The following MTA3 variants were observed in gnomAD, a reference collection of about 807,000 sequenced individuals.
The protein encoded by MTA3 is metastasis associated 1 family member 3, also known as metastasis-associated protein MTA3.
A neutral mutation model predicts 83.5 loss-of-function variants in MTA3; 34 were observed. That is an observed-to-expected ratio of 0.41 (90% CI 0.31 to 0.54). MTA3 has a LOEUF of 0.54. Ranked by LOEUF, MTA3 falls within the 20% of genes least tolerant of loss-of-function variation. The probability of loss-of-function intolerance (pLI) is 0.33; values close to 1 mark genes in which losing one functional copy is unlikely to be tolerated. For missense variants in MTA3, 761 were observed against 726.4 expected, an observed-to-expected ratio of 1.05 and a Z score of -0.55; for synonymous variants, 303 against 252.7, an observed-to-expected ratio of 1.20 and a Z score of -1.89.
chr2:42,617,784 T>TAA lies in MTA3; in HGVS notation c.317+8210_317+8211dup, dbSNP rs36088935. Among the ~76,000 whole-genome samples the TAA allele has an allele frequency of 5.1e-4, 75 of 146,228 alleles. No individual in the cohort carries two copies. The South Asian group carries it at 7.5e-3, about 15-fold the overall frequency. On this transcript the variant is annotated intron_variant, in intron 4 of 16. Transcript: ENST00000405094. ...ACAGTGCAACTCTGCCTCTAAAAAA[T>TAA]AAAAAAAAAAATGCGTAAAATAAAA...
chr2:42,536,039 G>C (rs1676213414), intron 2 of MTA3, among the ~76,000 whole-genome samples: 1 of 151,940 alleles, frequency 6.6e-6, no homozygotes, highest in African/African-American at 2.4e-5. Flanking sequence ...AAGATTGCTT[G>C]AGTCTGGGAG....
At chr2:42,526,097 G>C (rs993662537) in intron 2 of MTA3, among the ~76,000 whole-genome samples, 3 of 152,110 alleles carry the variant, frequency 2.0e-5, no homozygotes, top group African/African-American at 7.2e-5. Flanking sequence ...CCTTGACCTA[G>C]AAATAATTGC....
At position 42,557,315 on chromosome 2, in the gene MTA3, A is replaced by G. The variant is rs927995386; in HGVS notation, c.-140-13122A>G. Among the ~76,000 whole-genome samples, 53 of 151,934 alleles carry G rather than the reference A, an allele frequency of 3.5e-4. 1 individual carries two copies. Among genetic ancestry groups the G allele is most frequent in the Non-Finnish European group, 4.6e-4 (31 of 67,958 alleles). ...ATAAAAATTTAAAAATTAAGAAAAA[A>G]AAAACACAGTCCAGATTTTTCTTCA... On this transcript the variant is annotated intron_variant, in intron 2 of 17. Coordinates refer to the MTA3 transcript ENST00000405592.
At chr2:42,681,039 C>T (rs746496507) in intron 8 of MTA3, among the ~76,000 whole-genome samples, 1 of 152,172 alleles carries the variant, frequency 6.6e-6, no homozygotes, top group Non-Finnish European at 1.5e-5. Context: ...TGTGTCTGGC[C>T]AGAAAATGCT....
chr2:42,636,026 T>C (rs1353743719), intron 4 of MTA3, among the ~76,000 whole-genome samples: 1 of 152,136 alleles, frequency 6.6e-6, no homozygotes, highest in African/African-American at 2.4e-5. Context: ...GCCTCAGCCT[T>C]ATAGAATGCT....
chr2:42,613,232 A>G (rs1296947473), intron 4 of MTA3, among the ~76,000 whole-genome samples: 2 of 152,250 alleles, frequency 1.3e-5, no homozygotes, highest in African/African-American at 2.4e-5. Context: ...TAAGTGCTTG[A>G]TAATTGAGAC....
chr2:42,630,049 T>C (rs1038243268), intron 4 of MTA3, among the ~76,000 whole-genome samples: 2 of 152,130 alleles, frequency 1.3e-5, no homozygotes, highest in Non-Finnish European at 2.9e-5. Context: ...GTGCTAGGAT[T>C]ACAGGCATGA....
intron 2 of MTA3, among the ~76,000 whole-genome samples, chr2:42,515,869 C>T (rs1442793186): frequency 3.4e-5 from 5 of 145,004 alleles, no homozygotes; most frequent in East Asian, 2.1e-4. Context: ...ACAAGAGTCT[C>T]GCTCTGTCAT....
At chr2:42,677,313 A>T (rs1691457430) in intron 8 of MTA3, among the ~76,000 whole-genome samples, 1 of 152,046 alleles carries the variant, frequency 6.6e-6, no homozygotes, top group Admixed American at 6.6e-5. Context: ...GTGATAGTGA[A>T]TAAGTCTCAT....
intron 4 of MTA3, among the ~76,000 whole-genome samples, chr2:42,624,378 G>C (rs185681381): frequency 6.6e-6 from 1 of 152,112 alleles, no homozygotes; most frequent in Non-Finnish European, 1.5e-5. Context: ...CTGGAGTGCA[G>C]TGGTGTGATC....
intron 2 of MTA3, among the ~76,000 whole-genome samples, chr2:42,524,696 A>C (rs1344626555): frequency 6.6e-6 from 1 of 151,690 alleles, no homozygotes; most frequent in Non-Finnish European, 1.5e-5. Context: ...ACCCTGGCCC[A>C]AGATTCATGC....
intron 2 of MTA3, among the ~76,000 whole-genome samples, chr2:42,516,183 C>T (rs1259353365): frequency 6.6e-6 from 1 of 152,112 alleles, no homozygotes; most frequent in Admixed American, 6.6e-5. Flanking sequence ...TCCCAAAGTG[C>T]TGGGATCAGG....
In MTA3 at chr2:42,709,135, T is replaced by C. The variant is rs1213564066; in HGVS notation, c.1525+39T>C. ...AAATTCTTAACCTTATATGTTGTGC[T>C]TCTGACCATTTTCTCTTTTCCTCTC... On this transcript the variant is annotated intron_variant, in intron 14 of 16. Coordinates refer to ENST00000405094, the MANE Select transcript of MTA3 (RefSeq NM_001330442.2). 7 of 1,533,636 alleles carry C rather than the reference T, an allele frequency of 4.6e-6. No homozygotes were observed. The South Asian group carries it at 8.7e-5, about 19-fold the overall frequency.
chr2:42,713,241 C>T (rs1186000718), intron 14 of MTA3, among the ~76,000 whole-genome samples: 2 of 152,238 alleles, frequency 1.3e-5, no homozygotes, highest in South Asian at 4.1e-4. Flanking sequence ...TGGGAGGAAC[C>T]TGAAGCTATT....
At chr2:42,603,902 C>T (rs1228501890) in intron 3 of MTA3, among the ~76,000 whole-genome samples, 2 of 152,194 alleles carry the variant, frequency 1.3e-5, no homozygotes, top group African/African-American at 2.4e-5. Flanking sequence ...AGGCGCCCAC[C>T]ATCTCACCTG....
intron 3 of MTA3, among the ~76,000 whole-genome samples, chr2:42,593,334 G>A (rs557416729): frequency 4.6e-4 from 49 of 106,566 alleles, no homozygotes; most frequent in African/African-American, 1.9e-3. Context: ...CTGGGTGACA[G>A]AGCGAGACTC....
At chr2:42,581,754 A>C (rs1573048628) in intron 3 of MTA3, 1 of 291,082 alleles carries the variant, frequency 3.4e-6, no homozygotes. Flanking sequence ...CAGATTTTAA[A>C]AAGTATTTTA....
chr2:42,681,571 G>A (rs1332055290), intron 8 of MTA3, among the ~76,000 whole-genome samples: 1 of 152,086 alleles, frequency 6.6e-6, no homozygotes, highest in Non-Finnish European at 1.5e-5. Context: ...GGAGTGCAGT[G>A]GCACAGTCAC....
chr2:42,564,252 C>G (rs538443245), upstream of MTA3, among the ~76,000 whole-genome samples: 1 of 152,304 alleles, frequency 6.6e-6, no homozygotes, highest in South Asian at 2.1e-4. Flanking sequence ...GGTAATGTTA[C>G]TAGAGAAGGA....
Sources: gnomAD v4.1 joint callset for allele counts (sites outside exome capture counted in the v4.1 genomes callset) on GRCh38, gnomAD v4.1.1 for gene constraint, MANE v1.5 for transcripts, NCBI Gene and HGNC (gene_info 2026-07-23, HGNC 2026-07-21) for gene names.